The following ZFYVE1 variants were observed in gnomAD, a reference collection of about 807,000 sequenced individuals.
The protein encoded by ZFYVE1 is zinc finger FYVE domain-containing protein 1.
A neutral mutation model predicts 74.4 loss-of-function variants in ZFYVE1; 30 were observed. That is an observed-to-expected ratio of 0.40 (90% CI 0.30 to 0.55). The LOEUF (loss-of-function observed/expected upper bound fraction) is 0.55. Ranked by LOEUF, ZFYVE1 falls within the 20% of genes least tolerant of loss-of-function variation. ZFYVE1 has a pLI of 0.42. For missense variants in ZFYVE1, 703 were observed against 1,011.6 expected, an observed-to-expected ratio of 0.69 and a Z score of 4.14; for synonymous variants, 335 against 385.1, an observed-to-expected ratio of 0.87 and a Z score of 1.52.
In ZFYVE1 at chr14:72,980,848, GC is replaced by G. The variant is rs1412199542; in HGVS notation, c.1310+940del. Among the ~76,000 whole-genome samples the G allele has an allele frequency of 7.2e-5, 11 of 152,240 alleles. No individual in the cohort carries two copies. In the East Asian group the frequency reaches 2.1e-3, roughly 29 times the overall value. ...TGGGATTACAGGCGTAAGCCACCGT[GC>G]CCGGCCGAGAATTTATTAAATTTAT... is the stretch of plus-strand genomic sequence containing the variant. On this transcript the variant is annotated intron_variant, in intron 5 of 11. Transcript: ENST00000556143.
chr14:73,006,208 C>T (rs1015767413), intron 2 of ZFYVE1, among the ~76,000 whole-genome samples: 3 of 151,890 alleles, frequency 2.0e-5, no homozygotes, highest in African/African-American at 4.8e-5. Flanking sequence ...CGTGAGCCAC[C>T]GCGCCCGGCC....
Position 72,969,579 on chromosome 14 carries a change from C to T in ZFYVE1, c.*1303G>A. 1.6e-6 allele frequency: 1 copy of T among 641,028 alleles called. No homozygotes were observed. The highest frequency in any genetic ancestry group is 2.8e-6 in the Non-Finnish European group (1 of 357,294). 39.7% of individuals were successfully genotyped at this position (641,028 alleles called of 1,614,324 possible). ...ACGACACACTCCAGGGCTCATGTCACACCGATAGGCGCACCAGGAATGACC... is the reference window on the plus strand; with the variant it reads ...ACGACACACTCCAGGGCTCATGTCATACCGATAGGCGCACCAGGAATGACC... On this transcript the variant is annotated 3_prime_UTR_variant, in exon 12 of 12. Transcript: ENST00000556143.
intron 4 of ZFYVE1, 57 bp downstream of exon 4, chr14:72,993,085 TG>T: frequency 6.7e-7 from 1 of 1,484,166 alleles, no homozygotes; most frequent in African/African-American, 1.4e-5. Flanking sequence ...GCGAACTGAG[TG>T]TTCTCACCAC....
At chr14:73,011,171 CAAA>C (rs34380657) in intron 2 of ZFYVE1, among the ~76,000 whole-genome samples, 2 of 141,894 alleles carry the variant, frequency 1.4e-5, no homozygotes, top group Admixed American at 7.0e-5. Flanking sequence ...CTCACTGTCT[CAAA>C]AAAAAAAAAA....
At chr14:72,999,696 G>A (rs1893828548) in intron 2 of ZFYVE1, among the ~76,000 whole-genome samples, 1 of 152,214 alleles carries the variant, frequency 6.6e-6, no homozygotes, top group African/African-American at 2.4e-5. Context: ...CAACAAGGCT[G>A]AGGCAAGAGG....
chr14:73,025,754 A>G (rs897836099), intron 1 of ZFYVE1, among the ~76,000 whole-genome samples: 6 of 151,838 alleles, frequency 4.0e-5, no homozygotes, highest in Non-Finnish European at 7.4e-5. Flanking sequence ...TCTTGACAAC[A>G]AACGCCACCT....
chr14:72,996,842 G>T (rs1893759884), intron 3 of ZFYVE1, among the ~76,000 whole-genome samples: 2 of 152,162 alleles, frequency 1.3e-5, no homozygotes, highest in South Asian at 4.1e-4. Flanking sequence ...TCAGTGCTCA[G>T]CACATGACAT....
In ZFYVE1 at chr14:72,970,036, G is replaced by A. The variant is rs1892989181; in HGVS notation, c.*846C>T. ...GTGGGCTTGAGGGGGCCGAGGGGTG[G>A]GAGGCAGATGCTTCGATTGAGGAGC... is the stretch of plus-strand genomic sequence containing the variant. On this transcript the variant is annotated 3_prime_UTR_variant, in exon 12 of 12. Transcript: ENST00000556143. 2.5e-6 allele frequency: 1 copy of A among 397,656 alleles called. No individual in the cohort carries two copies. 24.6% of individuals were successfully genotyped at this position (397,656 alleles called of 1,614,324 possible). A position where few individuals can be genotyped will look rare whatever the true frequency, so the allele number is the denominator to read the frequency against.
chr14:72,984,518 G>C (rs201987379), intron 4 of ZFYVE1, among the ~76,000 whole-genome samples: 3 of 150,430 alleles, frequency 2.0e-5, no homozygotes, highest in South Asian at 4.2e-4. Flanking sequence ...GACAGGGTGA[G>C]ACTCCGTCTC....
chr14:73,009,969 T>A (rs1234066473), intron 2 of ZFYVE1, among the ~76,000 whole-genome samples: 1 of 152,030 alleles, frequency 6.6e-6, no homozygotes, highest in African/African-American at 2.4e-5. Flanking sequence ...TAGCTGGGCA[T>A]GGTGGTACAT....
intron 5 of ZFYVE1, among the ~76,000 whole-genome samples, chr14:72,981,480 CAA>C (rs1893329672): frequency 6.6e-6 from 1 of 152,040 alleles, no homozygotes; most frequent in South Asian, 2.1e-4. Flanking sequence ...GCAGGCAACC[CAA>C]AGTCTTCTGC....
chr14:72,995,522 G>A (rs943890991), intron 3 of ZFYVE1, among the ~76,000 whole-genome samples: 5 of 151,938 alleles, frequency 3.3e-5, no homozygotes, highest in South Asian at 2.1e-4. Flanking sequence ...AGAAGTCATC[G>A]TGCTCAGCCT....
At chr14:73,005,992 G>A (rs1439201806) in intron 2 of ZFYVE1, among the ~76,000 whole-genome samples, 4 of 151,860 alleles carry the variant, frequency 2.6e-5, no homozygotes, top group African/African-American at 9.7e-5. Flanking sequence ...CACGATCTCA[G>A]CTCACTGCAA....
intron 2 of ZFYVE1, among the ~76,000 whole-genome samples, chr14:73,022,287 T>A (rs1380937024): frequency 6.6e-6 from 1 of 152,158 alleles, no homozygotes; most frequent in Non-Finnish European, 1.5e-5. Context: ...TATACAGGAA[T>A]CATGATGTAA....
chr14:73,017,126 GA>G (rs902580026), intron 2 of ZFYVE1, among the ~76,000 whole-genome samples: 5 of 150,216 alleles, frequency 3.3e-5, no homozygotes, highest in African/African-American at 9.8e-5. Flanking sequence ...TGTCTCAAAA[GA>G]AAAAAAAAGA....
chr14:72,978,452 AG>A (rs1289234848), intron 6 of ZFYVE1, among the ~76,000 whole-genome samples: 55 of 151,754 alleles, frequency 3.6e-4, no homozygotes, highest in African/African-American at 1.1e-3. Flanking sequence ...CTGTAATCCC[AG>A]CTACTCAGGA....
At chr14:73,017,801 C>T (rs1894231964) in intron 2 of ZFYVE1, among the ~76,000 whole-genome samples, 1 of 152,148 alleles carries the variant, frequency 6.6e-6, no homozygotes, top group South Asian at 2.1e-4. Context: ...CCTTCTTGTC[C>T]CTCTACAGTC....
chr14:73,015,293 GAAA>G (rs1200290774), intron 2 of ZFYVE1, among the ~76,000 whole-genome samples: 72 of 76,750 alleles, frequency 9.4e-4, no homozygotes, highest in Admixed American at 3.3e-3. Flanking sequence ...AGGAAGGAAG[GAAA>G]GAAGGGAGGG....
intron 4 of ZFYVE1, among the ~76,000 whole-genome samples, chr14:72,990,215 T>C (rs1384271122): frequency 6.6e-6 from 1 of 152,148 alleles, no homozygotes; most frequent in African/African-American, 2.4e-5. Flanking sequence ...AACTGCAAAA[T>C]TCTCTAGGGA....
Sources: allele counts gnomAD v4.1 joint callset (sites outside exome capture counted in the v4.1 genomes callset), GRCh38; gene constraint gnomAD v4.1.1; transcripts MANE v1.5; gene names NCBI Gene and HGNC (gene_info 2026-07-23, HGNC 2026-07-21).